Variants in CDK14 observed in about 807,000 individuals in gnomAD.
CDK14 encodes cyclin dependent kinase 14.
CDK14 carries 34 observed loss-of-function variants against 60.7 expected under a neutral mutation model. That is an observed-to-expected ratio of 0.56 (90% confidence interval 0.43 to 0.75). The LOEUF is 0.75. Among genes scored for constraint, CDK14 ranks in the 30% least tolerant of loss-of-function variants. The pLI is 0.00. For synonymous variants in CDK14, 197 were observed against 203.7 expected (o/e 0.97, Z 0.28); for missense variants, 482 against 564.1 (o/e 0.85, Z 1.47).
chr7:90,936,622 A>G (rs1213718977), intron 8 of CDK14, among the ~76,000 whole-genome samples: 2 of 152,120 alleles, frequency 1.3e-5, no homozygotes, highest in Non-Finnish European at 2.9e-5. Context: ...TTTGATATGT[A>G]TCTAAAGCTG....
intron 5 of CDK14, among the ~76,000 whole-genome samples, chr7:90,828,658 GT>G (rs1345936269): frequency 6.6e-6 from 1 of 152,056 alleles, no homozygotes; most frequent in African/African-American, 2.4e-5. Context: ...GTCTGACTGA[GT>G]TTCCTGTGGA....
chr7:90,689,391 A>G (rs1469318226), intron 2 of CDK14, among the ~76,000 whole-genome samples: 1 of 152,152 alleles, frequency 6.6e-6, no homozygotes, highest in Non-Finnish European at 1.5e-5. Flanking sequence ...CTGAAGGGCT[A>G]TTCAGGGAGG....
chr7:90,653,125 G>T (rs989668118), intron 2 of CDK14, among the ~76,000 whole-genome samples: 5 of 151,940 alleles, frequency 3.3e-5, no homozygotes, highest in Non-Finnish European at 7.4e-5. Flanking sequence ...ATATAATTTT[G>T]GCTGTACCAG....
At chr7:90,796,179 A>T (rs1272958706) in intron 5 of CDK14, among the ~76,000 whole-genome samples, 1 of 152,146 alleles carries the variant, frequency 6.6e-6, no homozygotes, top group Non-Finnish European at 1.5e-5. Flanking sequence ...TGTAGGTGGG[A>T]TCTTGTTCTG....
At chr7:90,703,180 G>A (rs954255900) in intron 2 of CDK14, among the ~76,000 whole-genome samples, 123 of 152,082 alleles carry the variant, frequency 8.1e-4, no homozygotes, top group African/African-American at 2.9e-3. Flanking sequence ...TCTTTTCTCA[G>A]TGCCATTTGC....
intron 9 of CDK14, among the ~76,000 whole-genome samples, chr7:90,977,734 A>G (rs1584191522): frequency 6.6e-6 from 1 of 152,086 alleles, no homozygotes; most frequent in East Asian, 1.9e-4. Context: ...CTCTTTGGAA[A>G]CAAGTCACTA....
intron 4 of CDK14, among the ~76,000 whole-genome samples, chr7:90,787,416 A>G (rs1805640916): frequency 1.3e-5 from 2 of 152,238 alleles, no homozygotes; most frequent in South Asian, 4.1e-4. Flanking sequence ...TTTTATTTAT[A>G]AAAAGAAAAT....
At chr7:90,784,606 C>T (rs1283023516) in intron 4 of CDK14, among the ~76,000 whole-genome samples, 3 of 152,100 alleles carry the variant, frequency 2.0e-5, no homozygotes, top group African/African-American at 7.2e-5. Flanking sequence ...TAGTCTTCTT[C>T]CACTTCTCTC....
intron 6 of CDK14, among the ~76,000 whole-genome samples, chr7:90,877,741 C>A (rs1791609623): frequency 6.6e-6 from 1 of 151,946 alleles, no homozygotes; most frequent in Non-Finnish European, 1.5e-5. Flanking sequence ...GTCAACAATA[C>A]TATGGGAAAG....
At chr7:90,726,231 T>C in intron 2 of CDK14, 3 of 839,120 alleles carry the variant, frequency 3.6e-6, no homozygotes, top group Non-Finnish European at 4.3e-6. Flanking sequence ...CCCAACCTCT[T>C]AATGATTCAG....
rs1408956904 is a variant in CDK14, at chr7:90,711,882, A to ACGTTTTTTTTTTTTT, written c.124-14685_124-14684insCGTTTTTTTTTTTTT. 3.6e-5 allele frequency among the ~76,000 whole-genome samples: 4 copies of ACGTTTTTTTTTTTTT among 110,820 alleles called. 1 individual carries two copies. Among genetic ancestry groups the ACGTTTTTTTTTTTTT allele is most frequent in the African/African-American group, 3.3e-5 (1 of 29,952 alleles). The allele number at this position is 110,820 out of a possible 152,430, so 72.7% of individuals were successfully genotyped here. Reference sequence around the variant, plus strand: ...GTTCTTATGGAACTTATAGTCTACTATGTTTTTTTTTTTTTTTTTCAATTG... The same window carrying ACGTTTTTTTTTTTTT: ...GTTCTTATGGAACTTATAGTCTACTACGTTTTTTTTTTTTTTGTTTTTTTTTTTTTTTTTCAATTG... On this transcript the variant is annotated intron_variant, in intron 2 of 14. Coordinates refer to ENST00000380050, the MANE Select transcript of CDK14 (RefSeq NM_001287135.2).
At chr7:90,817,310 C>T (rs1789390061) in intron 5 of CDK14, among the ~76,000 whole-genome samples, 1 of 152,028 alleles carries the variant, frequency 6.6e-6, no homozygotes, top group Non-Finnish European at 1.5e-5. Context: ...TGAGTATACC[C>T]GTAAGAATCG....
intron 9 of CDK14, among the ~76,000 whole-genome samples, chr7:90,959,176 G>A (rs921372619): frequency 6.6e-6 from 1 of 152,128 alleles, no homozygotes; most frequent in Admixed American, 6.6e-5. Context: ...ATAGAAAATA[G>A]TAGACCCCAA....
At chr7:91,134,356 G>A (rs896888326) in intron 14 of CDK14, among the ~76,000 whole-genome samples, 1 of 152,046 alleles carries the variant, frequency 6.6e-6, no homozygotes, top group Admixed American at 6.6e-5. Context: ...TCATGGCATT[G>A]TTGACCTACC....
At chr7:91,002,469 G>A (rs1795867806) in intron 10 of CDK14, among the ~76,000 whole-genome samples, 1 of 152,236 alleles carries the variant, frequency 6.6e-6, no homozygotes, top group African/African-American at 2.4e-5. Context: ...TTGATCACTT[G>A]TGTAGTGTAA....
At chr7:90,842,785 T>C (rs1790340214) in intron 5 of CDK14, among the ~76,000 whole-genome samples, 2 of 152,176 alleles carry the variant, frequency 1.3e-5, no homozygotes. Context: ...TTTTGCACCA[T>C]TGCAAAAGTT....
chr7:90,877,157 G>C (rs1433136745), intron 6 of CDK14, among the ~76,000 whole-genome samples: 1 of 152,150 alleles, frequency 6.6e-6, no homozygotes, highest in African/African-American at 2.4e-5. Context: ...TTTACAGTCT[G>C]TGTATAAAGG....
chr7:90,672,003 T>C (rs1801106740), intron 2 of CDK14, among the ~76,000 whole-genome samples: 1 of 152,160 alleles, frequency 6.6e-6, no homozygotes, highest in Non-Finnish European at 1.5e-5. Flanking sequence ...CAGTAGTGAA[T>C]GTAATTTATT....
At chr7:90,938,065 T>G (rs1199289717) in intron 8 of CDK14, among the ~76,000 whole-genome samples, 1 of 152,246 alleles carries the variant, frequency 6.6e-6, no homozygotes, top group Non-Finnish European at 1.5e-5. Flanking sequence ...AATCTTTATG[T>G]GTATTGCAAT....
Sources: allele counts gnomAD v4.1 joint callset (sites outside exome capture counted in the v4.1 genomes callset), GRCh38; gene constraint gnomAD v4.1.1; transcripts MANE v1.5; gene names NCBI Gene and HGNC (gene_info 2026-07-23, HGNC 2026-07-21).